The following VRTN variants were observed in gnomAD, a reference collection of about 807,000 sequenced individuals.
The protein encoded by VRTN is vertebrae development associated.
In VRTN, 5 loss-of-function variants were observed where a neutral mutation model predicts 18.2. The ratio of observed to expected loss-of-function variants is 0.27; its 90% confidence interval spans 0.14 to 0.58. VRTN has a LOEUF of 0.58. Ranked by LOEUF, VRTN falls within the 20% of genes least tolerant of loss-of-function variation. VRTN has a pLI of 0.91. For synonymous variants in VRTN, 381 were observed against 393.7 expected (o/e 0.97, Z 0.38); for missense variants, 741 against 939.4 (o/e 0.79, Z 2.76).
chr14:74,340,110 ATTT>A (rs71115984), intron 2 of VRTN, among the ~76,000 whole-genome samples: 5 of 113,208 alleles, frequency 4.4e-5, no homozygotes, highest in Non-Finnish European at 7.0e-5. Flanking sequence ...TAATGTTTGT[ATTT>A]TTTTTTTTTT....
chr14:74,319,361 T>G (rs2085438051), intron 1 of VRTN, among the ~76,000 whole-genome samples: 1 of 152,192 alleles, frequency 6.6e-6, no homozygotes, highest in South Asian at 2.1e-4. Context: ...TTTTATAGTA[T>G]TTTGACAATA....
At chr14:74,312,321 C>T (rs753645999) in intron 1 of VRTN, among the ~76,000 whole-genome samples, 2 of 152,104 alleles carry the variant, frequency 1.3e-5, no homozygotes, top group Non-Finnish European at 2.9e-5. Context: ...TTTTTAAAAG[C>T]ATGTTTGTGT....
At chr14:74,306,173 T>TATATATATATATATATATATATATGTATG (rs1491480014) in intron 1 of VRTN, 9 of 48,034 alleles carry the variant, frequency 1.9e-4, no homozygotes, top group African/African-American at 8.0e-4. Context: ...TATATATATA[T>TATATATATATATATATATATATATGTATG]TTTTTTTTTT....
At chr14:74,327,570 C>T (rs561228159) in intron 1 of VRTN, among the ~76,000 whole-genome samples, 2 of 152,160 alleles carry the variant, frequency 1.3e-5, no homozygotes, top group African/African-American at 2.4e-5. Context: ...GGCAGTTATA[C>T]CTTCCCTTGG....
intron 1 of VRTN, among the ~76,000 whole-genome samples, chr14:74,320,158 G>A (rs183523961): frequency 3.4e-4 from 51 of 152,008 alleles, no homozygotes; most frequent in East Asian, 3.3e-3. Context: ...GCTGAAGTGC[G>A]AGGATTGCTT....
upstream of VRTN, among the ~76,000 whole-genome samples, chr14:74,346,675 T>A (rs2085646527): frequency 1.3e-5 from 2 of 152,256 alleles, no homozygotes; most frequent in African/African-American, 2.4e-5. Context: ...TATACTGAGA[T>A]GTTAACAATA....
At chr14:74,309,746 C>T (rs897650592) in intron 1 of VRTN, among the ~76,000 whole-genome samples, 2 of 152,242 alleles carry the variant, frequency 1.3e-5, no homozygotes, top group Admixed American at 1.3e-4. Flanking sequence ...ACTGTCTCTG[C>T]TTATACTGTT....
At chr14:74,349,048 G>A (rs1000988680) in intron 1 of VRTN, among the ~76,000 whole-genome samples, 2 of 152,152 alleles carry the variant, frequency 1.3e-5, no homozygotes, top group Admixed American at 1.3e-4. Flanking sequence ...GCACCTTAAG[G>A]GGCAACCGGG....
intron 1 of VRTN, among the ~76,000 whole-genome samples, chr14:74,328,728 T>C (rs745885580): frequency 6.6e-6 from 1 of 152,256 alleles, no homozygotes; most frequent in Non-Finnish European, 1.5e-5. Context: ...CCAGGTGCCC[T>C]GGCTCATGCT....
At chr14:74,334,173 C>T (rs990154469) in intron 1 of VRTN, among the ~76,000 whole-genome samples, 3 of 152,176 alleles carry the variant, frequency 2.0e-5, no homozygotes, top group Admixed American at 1.3e-4. Flanking sequence ...TGGTTTGGCT[C>T]TGAGGTTCCT....
chr14:74,327,710 T>TATTATTATTA lies in VRTN; in HGVS notation c.-163-10013_-163-10012insATTATTATTA, dbSNP rs111392669. 2.4e-3 allele frequency among the ~76,000 whole-genome samples: 365 copies of TATTATTATTA among 151,096 alleles called. 2 individuals are homozygous for TATTATTATTA. Among genetic ancestry groups the TATTATTATTA allele is most frequent in the African/African-American group, 8.1e-3 (332 of 40,860 alleles). ...CAACATAAGCACTGGTTGATTTTAT[T>TATTATTATTA]TTATTATTATTATTATTATTATTTG... is the stretch of plus-strand genomic sequence containing the variant. On this transcript the variant is annotated intron_variant, in intron 1 of 2. Coordinates refer to the VRTN transcript ENST00000557177.
chr14:74,335,373 C>T (rs1396181054), intron 1 of VRTN, among the ~76,000 whole-genome samples: 2 of 152,196 alleles, frequency 1.3e-5, no homozygotes, highest in Non-Finnish European at 2.9e-5. Context: ...AAAAGCAATT[C>T]AGTGACAGTA....
Position 74,313,425 on chromosome 14 carries a change from G to A in VRTN, c.-164+10249G>A, listed in dbSNP as rs1198214775. Among the ~76,000 whole-genome samples the A allele has an allele frequency of 2.6e-5, 4 of 152,186 alleles. 1 individual carries two copies. In the South Asian group the frequency reaches 6.2e-4, roughly 24 times the overall value. On this transcript the variant is annotated intron_variant, in intron 1 of 2. Coordinates refer to the VRTN transcript ENST00000557177. ...AAGTTCTTAAAAAAAATGAAAGTTT[G>A]TTAAAATACTCAAGAATAGCTGCTT...
Position 74,356,897 on chromosome 14 carries a change from G to A in VRTN, c.114G>A (p.Leu38=), listed in dbSNP as rs926569546. The change falls in exon 2 of 2, where the codon CTG becomes CTA. Residue 38 remains leucine (L), a synonymous_variant. Coordinates refer to ENST00000256362, the MANE Select transcript of VRTN (RefSeq NM_018228.3). ...CTTCCTTGGAGGCCAAGCAGGTCCTGTCTTCCTTCACTCTCCCCACCTGCC... is the reference window on the plus strand; with the variant it reads ...CTTCCTTGGAGGCCAAGCAGGTCCTATCTTCCTTCACTCTCCCCACCTGCC... ...IGASLEAKQV[L]SSFTLPTCRE... 6.2e-7 allele frequency: 1 copy of A among 1,614,104 alleles called. No homozygotes were observed. Among genetic ancestry groups the A allele is most frequent in the African/African-American group, 1.3e-5 (1 of 75,040 alleles).
At chr14:74,324,983 A>G (rs892812862) in intron 1 of VRTN, among the ~76,000 whole-genome samples, 68 of 152,110 alleles carry the variant, frequency 4.5e-4, no homozygotes, top group African/African-American at 1.4e-3. Context: ...CCAAATGAGC[A>G]AACTAGTAGG....
At chr14:74,335,101 G>C (rs74861099) in intron 1 of VRTN, among the ~76,000 whole-genome samples, 1 of 152,170 alleles carries the variant, frequency 6.6e-6, no homozygotes. Context: ...GGTCAACATG[G>C]TGAAACCTTG....
At chr14:74,327,790 A>G (rs2085497375) in intron 1 of VRTN, among the ~76,000 whole-genome samples, 1 of 152,124 alleles carries the variant, frequency 6.6e-6, no homozygotes, top group Non-Finnish European at 1.5e-5. Context: ...GTGCAATCTC[A>G]GCTCACTGCA....
chr14:74,348,934 T>C (rs1321865723), intron 1 of VRTN, among the ~76,000 whole-genome samples: 1 of 139,722 alleles, frequency 7.2e-6, no homozygotes, highest in African/African-American at 2.6e-5. Context: ...CACAATGGTC[T>C]GGCCTCGGTC....
chr14:74,349,237 TGGCTGCCACCAGCCAACCC>T (rs2085666908), intron 1 of VRTN, among the ~76,000 whole-genome samples: 2 of 151,700 alleles, frequency 1.3e-5, no homozygotes, highest in African/African-American at 2.4e-5. Context: ...CCCAAAGGCT[TGGCTGCCACCAGCCAACCC>T]TGGCAGCTGC....
Sources: allele counts gnomAD v4.1 joint callset (sites outside exome capture counted in the v4.1 genomes callset), GRCh38; gene constraint gnomAD v4.1.1; transcripts MANE v1.5; gene names NCBI Gene and HGNC (gene_info 2026-07-23, HGNC 2026-07-21).